SPOCD1: variants seen among roughly 807,000 people sequenced by gnomAD.
SPOCD1 encodes the protein SPOC domain containing 1.
SPOCD1 carries 64 observed loss-of-function variants against 92.2 expected under a neutral mutation model. The ratio of observed to expected loss-of-function variants is 0.69; its 90% CI spans 0.57 to 0.86. The LOEUF is 0.86. SPOCD1 is among the 40% of genes least tolerant of loss of function. The probability of loss-of-function intolerance (pLI) is 0.00; values close to 1 mark genes in which losing one functional copy is unlikely to be tolerated. For synonymous variants in SPOCD1, 578 were observed against 619.3 expected (o/e 0.93, Z 0.99); for missense variants, 1,360 against 1,543.1 (o/e 0.88, Z 1.99).
chr1:31,799,660 CCCCCACCCCTTT>C, intron 6 of SPOCD1, 137 bp downstream of exon 6: 2 of 1,118,934 alleles, frequency 1.8e-6, no homozygotes, highest in Non-Finnish European at 2.6e-6. Context: ...CCCACCCCTT[CCCCCACCCCTTT>C]GGGGAGGAGC....
chr1:31,801,555 C>G (rs560277300), intron 3 of SPOCD1, 109 bp downstream of exon 3: 31 of 950,432 alleles, frequency 3.3e-5, no homozygotes, highest in Admixed American at 9.5e-5. Context: ...TGGGGGAGGG[C>G]AGGCTGGGTG....
chr1:31,800,744 G>A, intron 3 of SPOCD1, 127 bp from the exon 4 acceptor site: 1 of 810,222 alleles, frequency 1.2e-6, no homozygotes, highest in East Asian at 2.7e-5. Flanking sequence ...TGAGGATAGA[G>A]AACATGCCTG....
At position 31,794,231 on chromosome 1, in the gene SPOCD1, G is replaced by T. The variant is rs748892059; in HGVS notation, c.2276C>A (p.Pro759Gln). The change falls in exon 11 of 16, where the codon CCG becomes CAG. Residue 759 changes from proline (P) to glutamine (Q), a missense_variant. Physicochemically the swap from Pro to Gln is moderately conservative, Grantham distance 76. Around this residue, in one of 3 missense-constraint regions of SPOCD1, gnomAD observed 614 missense variants for 757.8 expected, o/e 0.81. Transcript: ENST00000360482. ...QTLTLEDLVG[P>Q]QMFMDCSPQA... is the part of the protein sequence containing the mutation. ...TGGGCTGCAGTCCATGAACATCTGC[G>T]GTCCCTGGGAGGCAGAAGACAGAGG... 8.7e-6 allele frequency: 14 copies of T among 1,610,680 alleles called. No homozygotes were observed. Among genetic ancestry groups the T allele is most frequent in the Admixed American group, 6.7e-5 (4 of 59,902 alleles).
chr1:31,814,301 A>G lies in SPOCD1; in HGVS notation c.1033T>C (p.Cys345Arg). The change falls in exon 2 of 16, where the codon TGT becomes CGT. Residue 345 changes from cysteine to arginine, a missense_variant. Coordinates refer to ENST00000360482, the MANE Select transcript of SPOCD1 (RefSeq NM_144569.7). The surrounding 1 kb of genome is among the most constrained non-coding windows in gnomAD (Gnocchi z 4.2). ...QASAEQQEAVCVVRTGSDEGQ... is the reference protein window; with the variant it reads ...QASAEQQEAVRVVRTGSDEGQ... ...TCATCGCTGCCAGTCCGCACGACAC[A>G]CACAGCTTCTTGCTGCTCTGCAGAG... The G allele has an allele frequency of 4.4e-6, 7 of 1,576,132 alleles. No homozygotes were observed. The highest frequency in any genetic ancestry group is 5.2e-6 in the Non-Finnish European group (6 of 1,157,278).
At position 31,798,409 on chromosome 1, in the gene SPOCD1, A is replaced by T. The variant is rs1374610412; in HGVS notation, c.2028+33T>A. ...CCTGCAGGGGCTCTGAGATTCAGAG[A>T]GGGGACGCAGCCCAGCCCAAAGCCC... On this transcript the variant is annotated intron_variant, in intron 8 of 15. Transcript: ENST00000360482. This position sits in a 1 kb window ranked among gnomAD's most constrained non-coding sequence, Gnocchi z 4.1. 6.3e-7 allele frequency: 1 copy of T among 1,592,232 alleles called. No individual in the cohort carries two copies. The highest frequency in any genetic ancestry group is 1.7e-5 in the Admixed American group (1 of 58,658).
intron 2 of SPOCD1, among the ~76,000 whole-genome samples, chr1:31,813,691 T>C (rs1177574802): frequency 1.3e-5 from 2 of 152,154 alleles, no homozygotes; most frequent in Non-Finnish European, 2.9e-5. Flanking sequence ...GTCATTCAGC[T>C]AGGAAGTGGG....
rs372884096 is a variant in SPOCD1, at chr1:31,798,226, C to T, written c.2126G>A (p.Arg709Gln). The change falls in exon 9 of 16, where the codon CGG becomes CAG. Residue 709 changes from arginine to glutamine, a missense_variant. By Grantham distance (43) the Arg-to-Gln change is conservative. Coordinates refer to ENST00000360482, the MANE Select transcript of SPOCD1 (RefSeq NM_144569.7). The surrounding 1 kb of genome is among the most constrained non-coding windows in gnomAD (Gnocchi z 4.1). ...ACTCACCCTTTTCTCCTCCTGGTCC[C>T]GCCAGCGGGCCAGCTCCTGGGGGGC... ...QLAPQELARW[R>Q]DQEEKRGLNI... is the part of the protein sequence containing the mutation. 26 of 1,613,976 alleles carry T rather than the reference C, an allele frequency of 1.6e-5. No individual in the cohort carries two copies. Among genetic ancestry groups the T allele is most frequent in the Middle Eastern group, 1.6e-4 (1 of 6,084 alleles).
At chr1:31,812,280 C>T (rs1317030083) in intron 2 of SPOCD1, among the ~76,000 whole-genome samples, 1 of 152,152 alleles carries the variant, frequency 6.6e-6, no homozygotes, top group African/African-American at 2.4e-5. Context: ...CTATTGGCCT[C>T]CAGGGCTCAT....
At chr1:31,809,854 C>T (rs952067641) in intron 2 of SPOCD1, among the ~76,000 whole-genome samples, 3 of 152,142 alleles carry the variant, frequency 2.0e-5, no homozygotes, top group African/African-American at 4.8e-5. Context: ...TCCTGACACT[C>T]GACCACCCTG....
intron 2 of SPOCD1, among the ~76,000 whole-genome samples, chr1:31,804,985 C>CTTTTTTTTTTTTTT (rs1207433481): frequency 0.019 from 2,020 of 105,676 alleles, 33 homozygotes; most frequent in Non-Finnish European, 0.025. Flanking sequence ...TTCTTTCTTT[C>CTTTTTTTTTTTTTT]TTTTTTTTTT....
chr1:31,804,604 T>C (rs1216098391), intron 2 of SPOCD1, among the ~76,000 whole-genome samples: 5 of 152,170 alleles, frequency 3.3e-5, no homozygotes, highest in Non-Finnish European at 7.3e-5. Context: ...AGAGCTGTTA[T>C]TTTTCTTGAT....
At chr1:31,799,342 G>T in intron 7 of SPOCD1, 59 bp downstream of exon 7, 1 of 1,438,744 alleles carries the variant, frequency 7.0e-7, no homozygotes, top group Non-Finnish European at 9.6e-7. Flanking sequence ...GGGCCCCGGA[G>T]GCGGGGGCAT....
intron 1 of SPOCD1, 50 bp from the exon 2 acceptor site, chr1:31,815,422 C>T: frequency 7.4e-7 from 1 of 1,343,082 alleles, no homozygotes; most frequent in South Asian, 1.6e-5. Context: ...TCCGACCTGT[C>T]AGCCCGTTCA....
rs769776483 is a variant in SPOCD1 at position 31,814,058 on chromosome 1, T to A, written c.1276A>T (p.Lys426Ter). Residue 426 changes from lysine to a stop codon, truncating the protein, a stop_gained, in exon 2 of 16, where the codon AAG becomes TAG. Transcript: ENST00000360482. LOFTEE classifies it high-confidence loss of function. The surrounding 1 kb of genome is among the most constrained non-coding windows in gnomAD (Gnocchi z 4.2). ...QRRSKGTKNL[K>*]KGPVPCAQDR... ...TGGGCACAGGGCACTGGACCTTTCTTCAGGTTCTTAGTGCCCTTGGATCTT... is the reference window on the plus strand; with the variant it reads ...TGGGCACAGGGCACTGGACCTTTCTACAGGTTCTTAGTGCCCTTGGATCTT... 5 of 1,613,722 alleles carry A rather than the reference T, an allele frequency of 3.1e-6. No homozygotes were observed. In the East Asian group the frequency reaches 8.9e-5, roughly 29 times the overall value.
At position 31,792,358 on chromosome 1, in the gene SPOCD1, G is replaced by T; in HGVS notation, c.2819C>A (p.Thr940Asn). Residue 940 changes from threonine to asparagine, a missense_variant, in exon 15 of 16, where the codon ACC becomes AAC. Coordinates refer to ENST00000360482, the MANE Select transcript of SPOCD1 (RefSeq NM_144569.7). ...VRLCPHGARDTQNCRLLYSYL... is the reference protein window; with the variant it reads ...VRLCPHGARDNQNCRLLYSYL... The stretch of plus-strand genomic sequence containing the variant: ...TGAGTAGAGCAGGCGGCAGTTCTGG[G>T]TGTCCCGGGCCCCATGTGGGCACAG... The T allele has an allele frequency of 6.2e-7, 1 of 1,613,976 alleles. No homozygotes were observed. Among genetic ancestry groups the T allele is most frequent in the Non-Finnish European group, 8.5e-7 (1 of 1,180,022 alleles).
intron 10 of SPOCD1, chr1:31,794,509 T>C (rs1647866350): frequency 3.8e-6 from 1 of 264,284 alleles, no homozygotes; most frequent in Non-Finnish European, 7.1e-6. Context: ...TTCTTTTTTT[T>C]TTTTTTGTTT....
intron 2 of SPOCD1, among the ~76,000 whole-genome samples, chr1:31,808,468 T>C (rs2149115818): frequency 6.7e-6 from 1 of 150,356 alleles, no homozygotes; most frequent in Admixed American, 6.6e-5. Flanking sequence ...TTATAATAAT[T>C]GTAAATATTG....
At chr1:31,793,452 G>A (rs1358217076) in intron 12 of SPOCD1, 24 bp from the exon 13 acceptor site, 1 of 1,575,100 alleles carries the variant, frequency 6.3e-7, no homozygotes. Flanking sequence ...CAGAAGACAG[G>A]GCCAGACAGA....
rs751606743 is a variant in SPOCD1, at chr1:31,800,500, G to A, written c.1543C>T (p.Pro515Ser). Residue 515 changes from proline to serine, a missense_variant, in exon 4 of 16, where the codon CCT becomes TCT. Coordinates refer to ENST00000360482, the MANE Select transcript of SPOCD1 (RefSeq NM_144569.7). ...TTCTTCCTTCTGAGCCTCTGGGCAG[G>A]TGAGGGTGAGCTGACCTCCATCAAG... ...EDLMEVSSPSPAQRLRRKKRP... is the reference protein window; with the variant it reads ...EDLMEVSSPSSAQRLRRKKRP... 6 of 1,612,474 alleles carry A rather than the reference G, an allele frequency of 3.7e-6. No homozygotes were observed. The highest frequency in any genetic ancestry group is 5.1e-6 in the Non-Finnish European group (6 of 1,179,302).
Sources: gnomAD v4.1 joint callset for allele counts (sites outside exome capture counted in the v4.1 genomes callset) on GRCh38, gnomAD v4.1.1 for gene constraint, gnomAD v4.1.1 regional missense constraint, Gnocchi (gnomAD v3.1) non-coding constraint, MANE v1.5 for transcripts, NCBI Gene and HGNC (gene_info 2026-07-23, HGNC 2026-07-21) for gene names.